CEP112: variants seen among roughly 807,000 people sequenced by gnomAD.
CEP112 encodes the protein centrosomal protein of 112 kDa.
In CEP112, 127 loss-of-function variants were observed where a neutral mutation model predicts 153.0. That is an observed-to-expected ratio of 0.83 (90% CI 0.72 to 0.96). The LOEUF is 0.96. CEP112 is among the 40% of genes least tolerant of loss of function. CEP112 has a pLI of 0.00. For missense variants in CEP112, 1,089 were observed against 1,101.2 expected, an observed-to-expected ratio of 0.99 and a Z score of 0.16; for synonymous variants, 358 against 374.4, an observed-to-expected ratio of 0.96 and a Z score of 0.51.
chr17:65,747,894 T>A (rs947983095), intron 22 of CEP112, among the ~76,000 whole-genome samples: 1 of 152,210 alleles, frequency 6.6e-6, no homozygotes, highest in Non-Finnish European at 1.5e-5. Flanking sequence ...AATTTAATCT[T>A]ATGCTCTCTG....
intron 4 of CEP112, among the ~76,000 whole-genome samples, chr17:66,169,566 A>G (rs1263255967): frequency 2.6e-5 from 4 of 151,972 alleles, no homozygotes; most frequent in Non-Finnish European, 5.9e-5. Context: ...TTACAGGCAT[A>G]AGCCACCGCA....
intron 23 of CEP112, among the ~76,000 whole-genome samples, chr17:65,690,050 G>T (rs1184065618): frequency 1.4e-5 from 2 of 139,142 alleles, no homozygotes; most frequent in Non-Finnish European, 3.0e-5. Flanking sequence ...ATATTAGTGA[G>T]TTCCTGCTGT....
At chr17:65,870,126 T>TA (rs758726972) in intron 20 of CEP112, among the ~76,000 whole-genome samples, 2 of 140,170 alleles carry the variant, frequency 1.4e-5, no homozygotes, top group Non-Finnish European at 3.2e-5. Flanking sequence ...GCAATCAGTG[T>TA]ATGTGCTTAT....
chr17:65,910,151 T>A (rs147493371), intron 19 of CEP112, among the ~76,000 whole-genome samples: 200 of 152,270 alleles, frequency 1.3e-3, no homozygotes, highest in Middle Eastern at 6.8e-3. Flanking sequence ...ACAGAGCCAG[T>A]ATCAGTTTCT....
intron 12 of CEP112, 135 bp downstream of exon 12, chr17:66,053,601 T>G: frequency 1.3e-6 from 1 of 772,206 alleles, no homozygotes; most frequent in Non-Finnish European, 2.0e-6. Flanking sequence ...TAAATCTGTA[T>G]GGAGTAGGAA....
At chr17:65,918,669 T>C (rs1469454974) in intron 19 of CEP112, among the ~76,000 whole-genome samples, 1 of 152,222 alleles carries the variant, frequency 6.6e-6, no homozygotes, top group Non-Finnish European at 1.5e-5. Context: ...TGTTTCCAAC[T>C]TGAATGAGGT....
intron 23 of CEP112, among the ~76,000 whole-genome samples, chr17:65,739,182 TG>T (rs1281484585): frequency 2.0e-5 from 3 of 152,218 alleles, no homozygotes; most frequent in Non-Finnish European, 2.9e-5. Context: ...TTCTGCTGAA[TG>T]TAACCTCATG....
chr17:65,950,722 A>G (rs990328515), intron 18 of CEP112, among the ~76,000 whole-genome samples: 1 of 151,588 alleles, frequency 6.6e-6, no homozygotes, highest in Non-Finnish European at 1.5e-5. Flanking sequence ...TAGTAGTAGT[A>G]GTAGTAGTAG....
chr17:65,949,991 T>C (rs2061768362), intron 18 of CEP112, among the ~76,000 whole-genome samples: 2 of 152,178 alleles, frequency 1.3e-5, no homozygotes, highest in Admixed American at 6.6e-5. Context: ...AACATCACAA[T>C]ACACATCCAT....
At chr17:65,642,924 G>A (rs2045223150) in intron 24 of CEP112, among the ~76,000 whole-genome samples, 3 of 151,992 alleles carry the variant, frequency 2.0e-5, no homozygotes, top group Admixed American at 6.6e-5. Context: ...ATTTTATTCT[G>A]TATTTTACTA....
chr17:66,160,867 C>T (rs187053684), intron 4 of CEP112, among the ~76,000 whole-genome samples: 1 of 152,184 alleles, frequency 6.6e-6, no homozygotes, highest in African/African-American at 2.4e-5. Flanking sequence ...AGAGCTTCTG[C>T]CTAGCAAAAG....
chr17:66,108,254 G>A (rs1203392487), intron 6 of CEP112, among the ~76,000 whole-genome samples: 2 of 152,068 alleles, frequency 1.3e-5, no homozygotes, highest in Non-Finnish European at 2.9e-5. Context: ...GATTTCTTCA[G>A]CAATTACCCC....
At chr17:65,908,687 T>A (rs1328954197) in intron 19 of CEP112, among the ~76,000 whole-genome samples, 7 of 81,200 alleles carry the variant, frequency 8.6e-5, no homozygotes, top group African/African-American at 3.6e-4. Flanking sequence ...AGAGTAAAAC[T>A]CTGTCTCAAA....
chr17:66,111,430 T>C lies in CEP112; in HGVS notation c.643-14798A>G, dbSNP rs185525664. On this transcript the variant is annotated intron_variant, in intron 6 of 26. Transcript: ENST00000535342. ...ATGTTCATTGCAGTACTATTCACAA[T>C]AGCAAAGACATCGAATCAACCTAAA... 2.6e-3 allele frequency among the ~76,000 whole-genome samples: 395 copies of C among 152,276 alleles called. 3 individuals carry two copies. Among genetic ancestry groups the C allele is most frequent in the Middle Eastern group, 6.8e-3 (2 of 294 alleles).
At chr17:66,188,801 T>C (rs951955753) in intron 1 of CEP112, among the ~76,000 whole-genome samples, 1 of 152,142 alleles carries the variant, frequency 6.6e-6, no homozygotes, top group Non-Finnish European at 1.5e-5. Flanking sequence ...ATGATACCAG[T>C]GCTGGATGTG....
chr17:65,920,364 T>A (rs374977725), intron 19 of CEP112, among the ~76,000 whole-genome samples: 151 of 29,654 alleles, frequency 5.1e-3, no homozygotes, highest in African/African-American at 0.026. Flanking sequence ...ACAAACAAAA[T>A]ATATATATAT....
At chr17:66,096,714 C>A in intron 6 of CEP112, 82 bp from the exon 7 acceptor site, 1 of 852,774 alleles carries the variant, frequency 1.2e-6, no homozygotes. Context: ...TAGAATTAAG[C>A]TGCCATATGA....
intron 4 of CEP112, 36 bp from the exon 5 acceptor site, chr17:66,132,799 G>T: frequency 1.6e-6 from 2 of 1,281,590 alleles, no homozygotes; most frequent in Non-Finnish European, 2.3e-6. Flanking sequence ...ACAATTTGGA[G>T]AATTCAGAGG....
intron 24 of CEP112, among the ~76,000 whole-genome samples, chr17:65,647,257 T>C (rs959996045): frequency 2.1e-5 from 3 of 140,990 alleles, no homozygotes; most frequent in African/African-American, 7.9e-5. Context: ...CAGCGCAACC[T>C]CCGCCTCCTG....
Sources: gnomAD v4.1 joint callset for allele counts (sites outside exome capture counted in the v4.1 genomes callset) on GRCh38, gnomAD v4.1.1 for gene constraint, MANE v1.5 for transcripts, NCBI Gene and HGNC (gene_info 2026-07-23, HGNC 2026-07-21) for gene names.